Variants in MROH2B observed in about 807,000 individuals in gnomAD.
MROH2B encodes maestro heat-like repeat-containing protein family member 2B.
MROH2B carries 177 observed loss-of-function variants against 208.6 expected under a neutral mutation model. The observed-to-expected ratio is 0.85, with a 90% CI of 0.75 to 0.96. The LOEUF (loss-of-function observed/expected upper bound fraction) is 0.96. Ranked by LOEUF, MROH2B falls within the 40% of genes least tolerant of loss-of-function variation. MROH2B has a pLI of 0.00. For synonymous variants in MROH2B, 728 were observed against 659.0 expected, an observed-to-expected ratio of 1.10 and a Z score of -1.60; for missense variants, 2,002 against 1,878.7, an observed-to-expected ratio of 1.07 and a Z score of -1.21.
rs560905238 is a variant in MROH2B, at chr5:41,004,368, T to A, written c.4172A>T (p.Gln1391Leu). Residue 1391 changes from glutamine to leucine, a missense_variant, in exon 37 of 42, where the codon CAA (glutamine) becomes CTA (leucine). Gln to Leu is a moderately radical substitution (Grantham distance 113). Transcript: ENST00000399564. The stretch of plus-strand genomic sequence containing the variant: ...TACATCTTCAAAGAAGGTCCTTGTT[T>A]GCAGCACTATTTCCTTGAAGTAGAA... ...VSFYFKEIVL[Q>L]TRTFFEDEQD... 3.2e-5 allele frequency: 52 copies of A among 1,613,474 alleles called. No homozygotes were observed. In the South Asian group the frequency reaches 3.4e-4, roughly 11 times the overall value.
At chr5:41,022,044 T>C (rs980496312) in intron 24 of MROH2B, among the ~76,000 whole-genome samples, 1 of 152,170 alleles carries the variant, frequency 6.6e-6, no homozygotes, top group African/African-American at 2.4e-5. Flanking sequence ...TACAGCATGA[T>C]GTTATAAGAT....
rs1561270534 is a variant in MROH2B, at chr5:41,000,317, A to G, written c.4385T>C (p.Phe1462Ser). 1 of 1,613,902 alleles carries G rather than the reference A, an allele frequency of 6.2e-7. No individual in the cohort carries two copies. Among genetic ancestry groups the G allele is most frequent in the Non-Finnish European group, 8.5e-7 (1 of 1,179,818 alleles). ...CCCATAGAGCTCCTGGAGGCCCAAA[A>G]AGGGAATGCAGACCATCAAGACATC... Reference protein sequence around the residue: ...CRDVLMVCIPFLGLQELYGVL... With the variant: ...CRDVLMVCIPSLGLQELYGVL... Residue 1462 changes from phenylalanine to serine, a missense_variant, in exon 39 of 42, where the codon TTT becomes TCT. Phe to Ser is a radical substitution (Grantham distance 155). Coordinates refer to ENST00000399564, the MANE Select transcript of MROH2B (RefSeq NM_173489.5).
intron 20 of MROH2B, 142 bp downstream of exon 20, chr5:41,039,306 A>G: frequency 1.8e-6 from 1 of 561,072 alleles, no homozygotes; most frequent in Non-Finnish European, 3.2e-6. Context: ...TCATCCTATA[A>G]AGACTGGGCT....
chr5:41,046,808 G>C (rs1327978593), intron 17 of MROH2B, among the ~76,000 whole-genome samples: 1 of 152,104 alleles, frequency 6.6e-6, no homozygotes, highest in Non-Finnish European at 1.5e-5. Context: ...GGAGAGGGAA[G>C]GGAACATAAA....
At chr5:41,030,696 A>T (rs567853300) in intron 24 of MROH2B, among the ~76,000 whole-genome samples, 2 of 152,116 alleles carry the variant, frequency 1.3e-5, no homozygotes, top group Non-Finnish European at 1.5e-5. Flanking sequence ...ACAAATCTGG[A>T]GTCACTACAT....
At chr5:40,998,937 G>A (rs533843644) in intron 40 of MROH2B, among the ~76,000 whole-genome samples, 3 of 152,294 alleles carry the variant, frequency 2.0e-5, no homozygotes, top group South Asian at 4.1e-4. Flanking sequence ...GCTAGTTGTT[G>A]TTGGGATTTC....
intron 10 of MROH2B, 68 bp downstream of exon 10, chr5:41,055,674 G>T: frequency 8.9e-7 from 1 of 1,118,602 alleles, no homozygotes; most frequent in Non-Finnish European, 1.4e-6. Flanking sequence ...TAGGATTAGA[G>T]AGTGCATAGG....
At chr5:41,007,185 T>C in intron 34 of MROH2B, 129 bp downstream of exon 34, 4 of 872,812 alleles carry the variant, frequency 4.6e-6, no homozygotes, top group Non-Finnish European at 4.7e-6. Flanking sequence ...CTTTCCTGTT[T>C]GTCCTCCTTC....
intron 34 of MROH2B, among the ~76,000 whole-genome samples, chr5:41,006,388 T>C (rs572152455): frequency 6.6e-6 from 1 of 152,300 alleles, no homozygotes; most frequent in East Asian, 1.9e-4. Context: ...TCACTCTTGG[T>C]GGGAATGCAA....
chr5:41,000,825 A>G lies in MROH2B; in HGVS notation c.4203T>C (p.Asp1401=). 1 of 1,610,694 alleles carries G rather than the reference A, an allele frequency of 6.2e-7. No homozygotes were observed. The highest frequency in any genetic ancestry group is 8.5e-7 in the Non-Finnish European group (1 of 1,178,564). The change falls in exon 38 of 42, where the codon GAT becomes GAC. Residue 1401 remains aspartate (D), a synonymous_variant. Transcript: ENST00000399564. ...QTRTFFEDEQ[D]DVRLTAIFLF... Reference sequence around the variant, plus strand: ...AGAAGATGGCAGTCAATCTCACATCATCCTGCTCCTGTGGTGACGAATGCA... The same window carrying G: ...AGAAGATGGCAGTCAATCTCACATCGTCCTGCTCCTGTGGTGACGAATGCA...
chr5:41,034,011 G>T, intron 21 of MROH2B, 147 bp from the exon 22 acceptor site: 2 of 1,301,614 alleles, frequency 1.5e-6, no homozygotes, highest in Non-Finnish European at 2.0e-6. Context: ...GCCAAGGGGA[G>T]GGGGGCAATT....
chr5:41,000,410 GA>G, intron 38 of MROH2B, 59 bp from the exon 39 acceptor site: 2 of 1,586,914 alleles, frequency 1.3e-6, no homozygotes, highest in South Asian at 2.3e-5. Flanking sequence ...TTCCAGAAGG[GA>G]AAAAATGCTG....
intron 24 of MROH2B, among the ~76,000 whole-genome samples, chr5:41,025,281 C>G (rs1180864597): frequency 6.6e-6 from 1 of 151,794 alleles, no homozygotes; most frequent in African/African-American, 2.4e-5. Context: ...AATTGACAGA[C>G]CACTAGCAAG....
Position 41,018,349 on chromosome 5 carries a change from C to G in MROH2B, c.2755G>C (p.Asp919His). ...FQITAKVLTN[D>H]IEAPENFKIG... The stretch of plus-strand genomic sequence containing the variant: ...TCTAGGGGATTACTTACCTCAATAT[C>G]ATTTGTCAGCACTTTCGCAGTGATC... Residue 919 changes from aspartate to histidine, a missense_variant, in exon 27 of 42, where the codon GAT (aspartate) becomes CAT (histidine). Transcript: ENST00000399564. 6.2e-7 allele frequency: 1 copy of G among 1,612,372 alleles called. No individual in the cohort carries two copies.
At chr5:41,012,432 A>T in intron 30 of MROH2B, 151 bp downstream of exon 30, 1 of 670,376 alleles carries the variant, frequency 1.5e-6, no homozygotes, top group Non-Finnish European at 2.3e-6. Flanking sequence ...CCTTGTTGTT[A>T]AACACACAAC....
chr5:41,027,057 A>G (rs534239768), intron 24 of MROH2B, among the ~76,000 whole-genome samples: 10 of 152,362 alleles, frequency 6.6e-5, no homozygotes, highest in South Asian at 6.2e-4. Context: ...TTAAAGACTT[A>G]AATGCTAGAC....
At position 41,055,801 on chromosome 5, in the gene MROH2B, T is replaced by G. The variant is rs750177802; in HGVS notation, c.974A>C (p.Asn325Thr). 6 of 1,613,886 alleles carry G rather than the reference T, an allele frequency of 3.7e-6. No individual in the cohort carries two copies. In the Admixed American group the frequency reaches 1.0e-4, roughly 27 times the overall value. The change falls in exon 10 of 42, where the codon AAT (asparagine) becomes ACT (threonine). Residue 325 changes from asparagine to threonine, a missense_variant. By Grantham distance (65) the Asn-to-Thr change is moderately conservative. Transcript: ENST00000399564. Reference sequence around the variant, plus strand: ...GATTCCCACTCGAATGGCTTCATTATTACTTCTTACTTGTTCATCAAAAAA... The same window carrying G: ...GATTCCCACTCGAATGGCTTCATTAGTACTTCTTACTTGTTCATCAAAAAA... ...MEFFDEQVRS[N>T]NEAIRVGILT...
rs376347594 is a variant in MROH2B at position 41,069,765 on chromosome 5, G to C, written c.29-13C>G. 4.5e-6 allele frequency: 7 copies of C among 1,571,770 alleles called. No homozygotes were observed. In the African/African-American group the frequency reaches 9.4e-5, roughly 21 times the overall value. The stretch of plus-strand genomic sequence containing the variant: ...TCCCCAAACATCTCTAAAACGTACA[G>C]AAAAATATGAATTGAAATATATGCT... On this transcript the variant is annotated splice_polypyrimidine_tract_variant and intron_variant, in intron 1 of 41. Coordinates refer to ENST00000399564, the MANE Select transcript of MROH2B (RefSeq NM_173489.5).
chr5:41,037,214 C>T (rs1742795061), intron 21 of MROH2B, among the ~76,000 whole-genome samples: 1 of 152,106 alleles, frequency 6.6e-6, no homozygotes, highest in Admixed American at 6.6e-5. Flanking sequence ...GGTCCTCCAA[C>T]TTTGGCCTCA....
Sources: allele counts gnomAD v4.1 joint callset (sites outside exome capture counted in the v4.1 genomes callset), GRCh38; gene constraint gnomAD v4.1.1; transcripts MANE v1.5; gene names NCBI Gene and HGNC (gene_info 2026-07-23, HGNC 2026-07-21).